NR3C2: variants seen among roughly 807,000 people sequenced by gnomAD.
The protein encoded by NR3C2 is nuclear receptor subfamily 3 group C member 2.
Under a neutral mutation model 86.4 loss-of-function variants are expected in NR3C2, and 15 were observed. That is an observed-to-expected ratio of 0.17 (90% CI 0.12 to 0.27). The LOEUF is 0.27. NR3C2 is among the 10% of genes least tolerant of loss of function. The pLI is 1.00. For synonymous variants in NR3C2, 458 were observed against 450.5 expected, an observed-to-expected ratio of 1.02 and a Z score of -0.21; for missense variants, 960 against 1,195.6, an observed-to-expected ratio of 0.80 and a Z score of 2.91.
At chr4:148,437,002 T>A in intron 1 of NR3C2, 140 bp from the exon 2 acceptor site, 1 of 716,616 alleles carries the variant, frequency 1.4e-6, no homozygotes, top group Non-Finnish European at 2.3e-6. Flanking sequence ...TTAAAACTGT[T>A]ACCTTTTTGG....
At chr4:148,232,971 C>A (rs1335551462) in intron 3 of NR3C2, among the ~76,000 whole-genome samples, 1 of 152,180 alleles carries the variant, frequency 6.6e-6, no homozygotes, top group Non-Finnish European at 1.5e-5. Context: ...AGAGTTAGGG[C>A]CTTGCTTTGG....
chr4:148,141,292 G>A (rs926235057), intron 6 of NR3C2, among the ~76,000 whole-genome samples: 1 of 152,058 alleles, frequency 6.6e-6, no homozygotes, highest in Non-Finnish European at 1.5e-5. Context: ...AAATTAGCTG[G>A]GTGTGGTGGC....
chr4:148,442,993 A>C (rs754128614), upstream of NR3C2: 4 of 985,064 alleles, frequency 4.1e-6, no homozygotes, highest in Middle Eastern at 5.2e-4. Flanking sequence ...GCGCCGCCCA[A>C]CAGCGTCCGC....
chr4:148,180,283 G>A (rs1436081685), intron 4 of NR3C2, among the ~76,000 whole-genome samples: 2 of 151,732 alleles, frequency 1.3e-5, no homozygotes, highest in Admixed American at 6.6e-5. Context: ...TGGGTTTGGT[G>A]TGGCAGTCAT....
chr4:148,216,901 A>G (rs1737567742), intron 3 of NR3C2, among the ~76,000 whole-genome samples: 1 of 152,200 alleles, frequency 6.6e-6, no homozygotes, highest in South Asian at 2.1e-4. Flanking sequence ...TCAGACCCAC[A>G]AGCAGCTAAG....
chr4:148,092,034 C>T (rs915249829), intron 8 of NR3C2, among the ~76,000 whole-genome samples: 1 of 152,184 alleles, frequency 6.6e-6, no homozygotes, highest in Non-Finnish European at 1.5e-5. Context: ...CAAATTACTT[C>T]AGAATGACTG....
chr4:148,180,450 G>T (rs1042450627), intron 4 of NR3C2, among the ~76,000 whole-genome samples: 1 of 146,572 alleles, frequency 6.8e-6, no homozygotes, highest in Non-Finnish European at 1.5e-5. Flanking sequence ...GGCCATCTGT[G>T]TGTCTTTATC....
chr4:148,424,860 A>G (rs927674547), intron 2 of NR3C2, among the ~76,000 whole-genome samples: 3 of 152,240 alleles, frequency 2.0e-5, no homozygotes, highest in African/African-American at 7.2e-5. Flanking sequence ...TACACATTTC[A>G]CAAAACATGT....
intron 6 of NR3C2, among the ~76,000 whole-genome samples, chr4:148,133,600 A>G (rs1301094143): frequency 6.6e-6 from 1 of 152,256 alleles, no homozygotes; most frequent in Non-Finnish European, 1.5e-5. Context: ...AAAGATTTGT[A>G]TTAACCAACA....
At chr4:148,196,734 G>T (rs1278614039) in intron 3 of NR3C2, among the ~76,000 whole-genome samples, 4 of 151,956 alleles carry the variant, frequency 2.6e-5, no homozygotes, top group African/African-American at 9.7e-5. Flanking sequence ...AACAGAATAG[G>T]GAAATCTATC....
intron 2 of NR3C2, among the ~76,000 whole-genome samples, chr4:148,284,663 C>CACTGACT (rs1741426647): frequency 6.6e-6 from 1 of 152,152 alleles, no homozygotes; most frequent in African/African-American, 2.4e-5. Flanking sequence ...GACTTTGTAT[C>CACTGACT]TTGTGAGCCA....
intron 2 of NR3C2, among the ~76,000 whole-genome samples, chr4:148,370,972 T>C (rs1028826367): frequency 1.3e-5 from 2 of 151,972 alleles, no homozygotes; most frequent in African/African-American, 4.8e-5. Context: ...ACTCAAACAA[T>C]CCTCCTGCCT....
In NR3C2 at chr4:148,379,481, T is replaced by C. The variant is rs962608861; in HGVS notation, c.1757+55623A>G. On this transcript the variant is annotated intron_variant, in intron 2 of 8. Transcript: ENST00000358102. ...CCCACCGGGGATGAGCCAGGATATA[T>C]CTGAAGAGAGAATCAAGGTTGTGGA... is the stretch of plus-strand genomic sequence containing the variant. Among the ~76,000 whole-genome samples the C allele has an allele frequency of 7.9e-5, 12 of 152,118 alleles. 1 individual carries two copies. The highest frequency in any genetic ancestry group is 2.9e-4 in the African/African-American group (12 of 41,402).
At chr4:148,097,217 T>C (rs757070227) in intron 8 of NR3C2, among the ~76,000 whole-genome samples, 3 of 152,174 alleles carry the variant, frequency 2.0e-5, no homozygotes, top group Non-Finnish European at 4.4e-5. Flanking sequence ...GTCATTCAAA[T>C]AGACAACCTC....
rs193061843 is a variant in NR3C2 at position 148,314,800 on chromosome 4, T to C, written c.1758-54683A>G. Among the ~76,000 whole-genome samples, 16 of 152,272 alleles carry C rather than the reference T, an allele frequency of 1.1e-4. No individual in the cohort carries two copies. The East Asian group carries it at 3.1e-3, about 29-fold the overall frequency. On this transcript the variant is annotated intron_variant, in intron 2 of 8. Coordinates refer to ENST00000358102, the MANE Select transcript of NR3C2 (RefSeq NM_000901.5). ...ATTTATCACAGCTGCAAATTCTACA[T>C]CTATTTCTGATATCAAAATAATCAT...
At chr4:148,131,190 T>A (rs568158766) in intron 6 of NR3C2, among the ~76,000 whole-genome samples, 6 of 152,274 alleles carry the variant, frequency 3.9e-5, no homozygotes, top group African/African-American at 1.2e-4. Context: ...GGAATGTGTG[T>A]GTGTTACATT....
intron 8 of NR3C2, among the ~76,000 whole-genome samples, chr4:148,088,258 CT>C (rs1335998008): frequency 1.3e-5 from 2 of 152,200 alleles, no homozygotes; most frequent in Non-Finnish European, 2.9e-5. Context: ...CACTTTTATA[CT>C]GTTTGTGGGA....
At chr4:148,223,195 C>A (rs2149829822) in intron 3 of NR3C2, among the ~76,000 whole-genome samples, 1 of 152,294 alleles carries the variant, frequency 6.6e-6, no homozygotes, top group African/African-American at 2.4e-5. Flanking sequence ...CAGAGCTATG[C>A]AGCAAGCTCC....
At chr4:148,126,898 A>T (rs551882380) in intron 6 of NR3C2, among the ~76,000 whole-genome samples, 3 of 152,286 alleles carry the variant, frequency 2.0e-5, no homozygotes, top group South Asian at 4.1e-4. Flanking sequence ...TGAAGCCAGG[A>T]TCCAAACCCA....
Sources: allele counts gnomAD v4.1 joint callset (sites outside exome capture counted in the v4.1 genomes callset), GRCh38; gene constraint gnomAD v4.1.1; transcripts MANE v1.5; gene names NCBI Gene and HGNC (gene_info 2026-07-23, HGNC 2026-07-21).